Variants in TBC1D2 observed in about 807,000 individuals in gnomAD.
The protein encoded by TBC1D2 is TBC1 domain family member 2.
A neutral mutation model predicts 91.1 loss-of-function variants in TBC1D2; 58 were observed. The observed-to-expected ratio is 0.64, with a 90% CI of 0.52 to 0.79. The LOEUF (loss-of-function observed/expected upper bound fraction) is 0.79, where lower values mean the gene tolerates loss of function less well. Ranked by LOEUF, TBC1D2 falls within the 30% of genes least tolerant of loss-of-function variation. TBC1D2 has a pLI of 0.00. For synonymous variants in TBC1D2, 482 were observed against 511.5 expected (o/e 0.94, Z 0.78); for missense variants, 1,080 against 1,208.3 (o/e 0.89, Z 1.57).
intron 2 of TBC1D2, among the ~76,000 whole-genome samples, chr9:98,250,572 A>C (rs1389600946): frequency 6.6e-6 from 1 of 152,060 alleles, no homozygotes; most frequent in African/African-American, 2.4e-5. Context: ...GGCAACTACT[A>C]GTGGGTACAA....
intron 3 of TBC1D2, 89 bp downstream of exon 3, chr9:98,243,891 CTCTCCCGGGGCCCA>C (rs1829705303): frequency 9.0e-6 from 13 of 1,449,808 alleles, no homozygotes; most frequent in Non-Finnish European, 1.2e-5. Flanking sequence ...GCCCATAACC[CTCTCCCGGGGCCCA>C]TCTCCCTGCA....
intron 9 of TBC1D2, among the ~76,000 whole-genome samples, chr9:98,206,111 C>T (rs1036977168): frequency 6.6e-5 from 10 of 152,130 alleles, no homozygotes; most frequent in Non-Finnish European, 2.9e-5. Context: ...GCCTCAGCCT[C>T]CTGAGGCAGC....
rs1033243635 is a variant in TBC1D2 at position 98,219,243 on chromosome 9, A to G, written c.1374+1590T>C. On this transcript the variant is annotated intron_variant, in intron 6 of 12. Coordinates refer to ENST00000465784, the MANE Select transcript of TBC1D2 (RefSeq NM_001267571.2). ...GACACAGAGGTGAGCTAACATGCCT[A>G]AAGTCACACAGCCAGAAAGAGGCAG... Among the ~76,000 whole-genome samples the G allele has an allele frequency of 3.3e-5, 5 of 152,246 alleles. No individual in the cohort carries two copies. In the East Asian group the frequency reaches 7.7e-4, roughly 23 times the overall value.
At chr9:98,225,514 T>A (rs1451222152) in intron 5 of TBC1D2, among the ~76,000 whole-genome samples, 1 of 152,116 alleles carries the variant, frequency 6.6e-6, no homozygotes, top group Non-Finnish European at 1.5e-5. Context: ...GCCTCTAGAC[T>A]TGGAGAAGGA....
chr9:98,250,830 C>T (rs1448312116), intron 2 of TBC1D2, among the ~76,000 whole-genome samples: 1 of 152,158 alleles, frequency 6.6e-6, no homozygotes, highest in Non-Finnish European at 1.5e-5. Flanking sequence ...CATACCGATC[C>T]TAAAACCTGC....
intron 6 of TBC1D2, among the ~76,000 whole-genome samples, chr9:98,220,122 A>C (rs1164221206): frequency 6.6e-6 from 1 of 152,244 alleles, no homozygotes; most frequent in Non-Finnish European, 1.5e-5. Flanking sequence ...TGGTGGCAGC[A>C]GCTAGAAGCG....
In TBC1D2 at chr9:98,229,054, T is replaced by C. The variant is rs1471113370; in HGVS notation, c.876A>G (p.Pro292=). The C allele has an allele frequency of 6.2e-7, 1 of 1,614,056 alleles. No individual in the cohort carries two copies. The highest frequency in any genetic ancestry group is 8.5e-7 in the Non-Finnish European group (1 of 1,180,046). ...TCCGTGTGATTCCTTCAGAAAAGAA[T>C]GGGAAGGTGTTGTTCTGGCGCTTGG... ...QKAKRQNNTF[P]FFSEGITRNR... is the part of the protein sequence containing the mutation. The change falls in exon 5 of 13, where the codon CCA becomes CCG. Residue 292 remains proline, a synonymous_variant. Coordinates refer to ENST00000465784, the MANE Select transcript of TBC1D2 (RefSeq NM_001267571.2).
Position 98,217,081 on chromosome 9 carries a change from G to A in TBC1D2, c.1374+3752C>T, listed in dbSNP as rs562910366. Among the ~76,000 whole-genome samples, 5 of 152,332 alleles carry A rather than the reference G, an allele frequency of 3.3e-5. No individual in the cohort carries two copies. The East Asian group carries it at 9.6e-4, about 29-fold the overall frequency. On this transcript the variant is annotated intron_variant, in intron 6 of 12. Coordinates refer to ENST00000465784, the MANE Select transcript of TBC1D2 (RefSeq NM_001267571.2). ...CCAGCTCTAGGGAAGGCACAGACAT[G>A]CCGGACAGGGAGGCAGAGTGAGCAC...
At chr9:98,252,649 T>C (rs1829895678) in intron 1 of TBC1D2, among the ~76,000 whole-genome samples, 1 of 152,196 alleles carries the variant, frequency 6.6e-6, no homozygotes, top group Non-Finnish European at 1.5e-5. Flanking sequence ...ACTAAACCTC[T>C]GAAGTTGCCC....
rs1829426430 is a variant in TBC1D2 at position 98,233,563 on chromosome 9, A to G, written c.648-14T>C. 6.2e-7 allele frequency: 1 copy of G among 1,613,538 alleles called. No individual in the cohort carries two copies. Among genetic ancestry groups the G allele is most frequent in the Non-Finnish European group, 8.5e-7 (1 of 1,179,692 alleles). The stretch of plus-strand genomic sequence containing the variant: ...TGCATTGTGTTCCTGAAAGGAGACA[A>G]GAACAGAGGAGCATGAGGCTGAACC... On this transcript the variant is annotated splice_polypyrimidine_tract_variant and intron_variant, in intron 3 of 12. Transcript: ENST00000465784.
At chr9:98,205,924 C>A (rs913458206) in intron 9 of TBC1D2, among the ~76,000 whole-genome samples, 1 of 151,648 alleles carries the variant, frequency 6.6e-6, no homozygotes, top group South Asian at 2.1e-4. Flanking sequence ...GACCTGCAGG[C>A]TTGGGTTTAG....
At position 98,201,575 on chromosome 9, in the gene TBC1D2, G is replaced by A. The variant is rs767523389; in HGVS notation, c.2361C>T (p.Leu787=). The change falls in exon 11 of 13, where the codon CTC becomes CTT. Residue 787 remains leucine, a synonymous_variant. Coordinates refer to ENST00000465784, the MANE Select transcript of TBC1D2 (RefSeq NM_001267571.2). ...CCACGAGGAACCAGTTGAAGGTGAC[G>A]AGGGAGAGATCCACGTGGTGCTGCC... ...HLGQHHVDLS[L]VTFNWFLVVF... 13 of 1,614,002 alleles carry A rather than the reference G, an allele frequency of 8.1e-6. No individual in the cohort carries two copies. Among genetic ancestry groups the A allele is most frequent in the East Asian group, 2.2e-5 (1 of 44,864 alleles).
rs1360609533 is a variant in TBC1D2, at chr9:98,244,621, T to TG, written c.512-493dup. ...TTGCAGTGGGCCGAGATCGCGCCAT[T>TG]GCACTCCAGCCTGGGCAACAAGAGT... On this transcript the variant is annotated intron_variant, in intron 2 of 12. Coordinates refer to ENST00000465784, the MANE Select transcript of TBC1D2 (RefSeq NM_001267571.2). Among the ~76,000 whole-genome samples the TG allele has an allele frequency of 2.3e-4, 31 of 133,996 alleles. No homozygotes were observed. In the East Asian group the frequency reaches 6.8e-3, roughly 29 times the overall value. The allele number at this position is 133,996 out of a possible 152,430, so 87.9% of individuals were successfully genotyped here.
chr9:98,203,347 C>A lies in TBC1D2; in HGVS notation c.2212G>T (p.Ala738Ser). Reference sequence around the variant, plus strand: ...GCGGGCATGATGGTCTCCACAATGGCCACCAGGCACCAGAAGGCGCTCTCC... The same window carrying A: ...GCGGGCATGATGGTCTCCACAATGGACACCAGGCACCAGAAGGCGCTCTCC... ...EEESAFWCLV[A>S]IVETIMPADY... The change falls in exon 10 of 13, where the codon GCC becomes TCC. Residue 738 changes from alanine (A) to serine (S), a missense_variant. Transcript: ENST00000465784. 6.2e-7 allele frequency: 1 copy of A among 1,614,234 alleles called. No individual in the cohort carries two copies. The highest frequency in any genetic ancestry group is 8.5e-7 in the Non-Finnish European group (1 of 1,180,046).
At chr9:98,210,599 GC>G (rs1828807081) in intron 8 of TBC1D2, 56 bp downstream of exon 8, 1 of 1,466,886 alleles carries the variant, frequency 6.8e-7, no homozygotes, top group Admixed American at 2.4e-5. Flanking sequence ...CAGCAAGGCA[GC>G]TGGGGAGGAG....
chr9:98,210,789 G>A lies in TBC1D2; in HGVS notation c.1540C>T (p.Leu514=). 6.4e-7 allele frequency: 1 copy of A among 1,555,298 alleles called. No individual in the cohort carries two copies. The highest frequency in any genetic ancestry group is 8.7e-7 in the Non-Finnish European group (1 of 1,149,046). ...CQVESKYLAG[L]RRLQEALGDE... is the part of the protein sequence containing the mutation. Reference sequence around the variant, plus strand: ...CCCAGGGCCTCCTGCAGCCTTCTCAGACCGGCCAGGTACTTGCTTTCCACC... The same window carrying A: ...CCCAGGGCCTCCTGCAGCCTTCTCAAACCGGCCAGGTACTTGCTTTCCACC... The change falls in exon 8 of 13, where the codon CTG becomes TTG. Residue 514 remains leucine, a synonymous_variant. Coordinates refer to ENST00000465784, the MANE Select transcript of TBC1D2 (RefSeq NM_001267571.2).
At chr9:98,245,218 C>T (rs908144121) in intron 2 of TBC1D2, among the ~76,000 whole-genome samples, 5 of 151,654 alleles carry the variant, frequency 3.3e-5, no homozygotes, top group Admixed American at 6.6e-5. Flanking sequence ...TCAGCCTGGG[C>T]GACAGAGTGA....
At chr9:98,215,342 T>A (rs1419023686) in intron 6 of TBC1D2, among the ~76,000 whole-genome samples, 5 of 152,110 alleles carry the variant, frequency 3.3e-5, no homozygotes, top group Admixed American at 6.6e-5. Context: ...ATCACCCCCA[T>A]CACCAACACC....
At chr9:98,205,519 T>A (rs1392466006) in intron 9 of TBC1D2, among the ~76,000 whole-genome samples, 1 of 152,212 alleles carries the variant, frequency 6.6e-6, no homozygotes, top group Non-Finnish European at 1.5e-5. Flanking sequence ...GCAGGGTCTG[T>A]CATCTTGAGA....
Sources: allele counts gnomAD v4.1 joint callset (sites outside exome capture counted in the v4.1 genomes callset), GRCh38; gene constraint gnomAD v4.1.1; transcripts MANE v1.5; gene names NCBI Gene and HGNC (gene_info 2026-07-23, HGNC 2026-07-21).